Variants in ZNF407 observed in about 807,000 individuals in gnomAD.
ZNF407 encodes zinc finger protein 407.
ZNF407 carries 17 observed loss-of-function variants against 131.2 expected under a neutral mutation model. The observed-to-expected ratio is 0.13, with a 90% CI of 0.09 to 0.19. The LOEUF is 0.19. Ranked by LOEUF, ZNF407 falls within the 10% of genes least tolerant of loss-of-function variation. The probability of loss-of-function intolerance (pLI) is 1.00; values close to 1 mark genes in which losing one functional copy is unlikely to be tolerated. For missense variants in ZNF407, 2,681 were observed against 2,830.6 expected (o/e 0.95, Z 1.20); for synonymous variants, 1,156 against 1,062.0 (o/e 1.09, Z -1.72).
At chr18:74,793,807 C>A (rs1379753087) in intron 4 of ZNF407, among the ~76,000 whole-genome samples, 1 of 152,048 alleles carries the variant, frequency 6.6e-6, no homozygotes, top group East Asian at 1.9e-4. Flanking sequence ...AAGCATTTTC[C>A]CGGGAGGAAA....
At chr18:74,773,911 A>G (rs1030675912) in intron 3 of ZNF407, among the ~76,000 whole-genome samples, 3 of 152,202 alleles carry the variant, frequency 2.0e-5, no homozygotes, top group African/African-American at 4.8e-5. Context: ...CTTGCTTTAT[A>G]AACACCACTA....
At chr18:74,732,785 A>G (rs1172506524) in intron 3 of ZNF407, among the ~76,000 whole-genome samples, 1 of 152,194 alleles carries the variant, frequency 6.6e-6, no homozygotes, top group African/African-American at 2.4e-5. Context: ...TCTACCTATC[A>G]TAGTGTTCAC....
chr18:74,748,183 C>T (rs2144936940), intron 3 of ZNF407, among the ~76,000 whole-genome samples: 1 of 152,074 alleles, frequency 6.6e-6, no homozygotes, highest in East Asian at 1.9e-4. Context: ...AGGCATGACT[C>T]AGGGCTTGCA....
chr18:75,026,549 G>C (rs1352148321), intron 8 of ZNF407, among the ~76,000 whole-genome samples: 1 of 152,170 alleles, frequency 6.6e-6, no homozygotes, highest in Non-Finnish European at 1.5e-5. Flanking sequence ...AAACAATTCT[G>C]TAAATTTGGA....
intron 3 of ZNF407, among the ~76,000 whole-genome samples, chr18:74,749,093 G>A (rs1968737672): frequency 1.3e-5 from 2 of 152,156 alleles, no homozygotes; most frequent in African/African-American, 4.8e-5. Context: ...GTCATTAGGG[G>A]TGGCAGATGA....
intron 1 of ZNF407, among the ~76,000 whole-genome samples, chr18:74,623,214 G>C (rs1273698515): frequency 6.6e-6 from 1 of 151,822 alleles, no homozygotes; most frequent in Non-Finnish European, 1.5e-5. Flanking sequence ...GTGAATATGT[G>C]ACTGCGTGTG....
At chr18:74,979,448 C>T (rs1599275517) in intron 8 of ZNF407, among the ~76,000 whole-genome samples, 1 of 152,116 alleles carries the variant, frequency 6.6e-6, no homozygotes, top group Non-Finnish European at 1.5e-5. Context: ...TGCACCACCA[C>T]GCCTGACTAA....
intron 3 of ZNF407, among the ~76,000 whole-genome samples, chr18:74,663,519 TAAGAATAG>T (rs1229954975): frequency 6.6e-6 from 1 of 152,062 alleles, no homozygotes; most frequent in East Asian, 1.9e-4. Context: ...GAACATCAAT[TAAGAATAG>T]AACGCAGGTC....
chr18:74,824,214 T>G (rs1177313209), intron 4 of ZNF407, among the ~76,000 whole-genome samples: 1 of 152,112 alleles, frequency 6.6e-6, no homozygotes, highest in African/African-American at 2.4e-5. Context: ...TTTAAAGAAG[T>G]GTGTAGAGGG....
At chr18:74,667,477 G>A (rs1027687516) in intron 3 of ZNF407, among the ~76,000 whole-genome samples, 1 of 152,198 alleles carries the variant, frequency 6.6e-6, no homozygotes, top group Admixed American at 6.5e-5. Flanking sequence ...AGCAGCAGCT[G>A]TTGCTTTTAC....
chr18:74,694,775 T>C (rs1180423023), intron 3 of ZNF407, among the ~76,000 whole-genome samples: 2 of 152,236 alleles, frequency 1.3e-5, no homozygotes, highest in Non-Finnish European at 2.9e-5. Context: ...TGTCCAGTTT[T>C]CTGGTGGCTT....
chr18:74,728,234 A>G (rs971186902), intron 3 of ZNF407, among the ~76,000 whole-genome samples: 4 of 152,244 alleles, frequency 2.6e-5, no homozygotes, highest in African/African-American at 7.2e-5. Context: ...TGAATTTGAT[A>G]TACGAAGTCA....
chr18:74,759,908 T>C (rs1183283972), intron 3 of ZNF407, among the ~76,000 whole-genome samples: 1 of 151,480 alleles, frequency 6.6e-6, no homozygotes, highest in African/African-American at 2.4e-5. Context: ...ACTGCTTTTT[T>C]CCCCCAGTAT....
At chr18:74,655,395 T>C (rs1376933338) in intron 3 of ZNF407, among the ~76,000 whole-genome samples, 1 of 152,074 alleles carries the variant, frequency 6.6e-6, no homozygotes, top group Non-Finnish European at 1.5e-5. Context: ...GGATACAAAT[T>C]TATTATTTGA....
intron 3 of ZNF407, among the ~76,000 whole-genome samples, chr18:74,766,009 CTGTG>C (rs58103313): frequency 0.011 from 1,573 of 148,138 alleles, 30 homozygotes; most frequent in African/African-American, 0.035. Context: ...GCATATTACT[CTGTG>C]TGTGTGTGTG....
rs118112819 is a variant in ZNF407, at chr18:74,981,251, C to T, written c.5428+60559C>T. Among the ~76,000 whole-genome samples, 67 of 152,304 alleles carry T rather than the reference C, an allele frequency of 4.4e-4. 1 individual carries two copies. In the East Asian group the frequency reaches 0.012, roughly 27 times the overall value. On this transcript the variant is annotated intron_variant, in intron 8 of 8. Coordinates refer to ENST00000299687, the MANE Select transcript of ZNF407 (RefSeq NM_017757.3). ...TCAGTGGGTGCTGTGCAGGGTGAGGCGGGGCACGGGCAGCGGTTACATGCC... is the reference window on the plus strand; with the variant it reads ...TCAGTGGGTGCTGTGCAGGGTGAGGTGGGGCACGGGCAGCGGTTACATGCC...
chr18:75,054,187 T>C (rs1315411861), intron 8 of ZNF407, among the ~76,000 whole-genome samples: 1 of 152,210 alleles, frequency 6.6e-6, no homozygotes, highest in Non-Finnish European at 1.5e-5. Flanking sequence ...AAGCAGCTGC[T>C]ATCGTTTGGC....
chr18:74,759,282 T>C (rs1969037168), intron 3 of ZNF407, among the ~76,000 whole-genome samples: 1 of 152,192 alleles, frequency 6.6e-6, no homozygotes, highest in Non-Finnish European at 1.5e-5. Context: ...TCTTTTTCTG[T>C]TTAGCATTTG....
At chr18:75,030,067 C>T (rs1973222265) in intron 8 of ZNF407, among the ~76,000 whole-genome samples, 1 of 152,064 alleles carries the variant, frequency 6.6e-6, no homozygotes, top group African/African-American at 2.4e-5. Flanking sequence ...TTATATAAAA[C>T]AAGTTTTCCT....
Sources: allele counts gnomAD v4.1 joint callset (sites outside exome capture counted in the v4.1 genomes callset), GRCh38; gene constraint gnomAD v4.1.1; transcripts MANE v1.5; gene names NCBI Gene and HGNC (gene_info 2026-07-23, HGNC 2026-07-21).